SLC6A2: variants seen among roughly 807,000 people sequenced by gnomAD.
SLC6A2 encodes the protein solute carrier family 6 member 2.
SLC6A2 carries 26 observed loss-of-function variants against 71.7 expected under a neutral mutation model. The observed-to-expected ratio is 0.36, with a 90% CI of 0.27 to 0.50. SLC6A2 has a LOEUF of 0.50. Among genes scored for constraint, SLC6A2 ranks in the 20% least tolerant of loss-of-function variants. The pLI is 0.96. For synonymous variants in SLC6A2, 363 were observed against 337.9 expected (o/e 1.07, Z -0.82); for missense variants, 581 against 803.9 (o/e 0.72, Z 3.35).
chr16:55,683,006 C>G (rs1329275848), intron 4 of SLC6A2, among the ~76,000 whole-genome samples: 1 of 152,228 alleles, frequency 6.6e-6, no homozygotes, highest in African/African-American at 2.4e-5. Context: ...TGGGCTGGCT[C>G]ACAGCCGGCC....
Position 55,685,269 on chromosome 16 carries a change from G to A in SLC6A2, c.771G>A (p.Lys257=). 6.2e-7 allele frequency: 1 copy of A among 1,614,170 alleles called. No individual in the cohort carries two copies. Among genetic ancestry groups the A allele is most frequent in the African/African-American group, 1.3e-5 (1 of 75,054 alleles). The part of the protein sequence containing the change: ...VLYFSLWKGV[K]TSGKVVWITA... ...ATTTTAGCCTCTGGAAAGGGGTGAA[G>A]ACATCAGGAAAGGTAATATCTCTGT... The change falls in exon 5 of 15, where the codon AAG becomes AAA. Residue 257 remains lysine, a synonymous_variant. Coordinates refer to ENST00000568943, the MANE Select transcript of SLC6A2 (RefSeq NM_001172501.3).
intron 2 of SLC6A2, among the ~76,000 whole-genome samples, chr16:55,669,206 G>T (rs966783730): frequency 2.6e-5 from 4 of 152,150 alleles, no homozygotes; most frequent in Non-Finnish European, 4.4e-5. Context: ...ATTCATAAAA[G>T]AAAAAGTTCA....
At position 55,656,686 on chromosome 16, in the gene SLC6A2, G is replaced by T; in HGVS notation, c.-9G>T. The T allele has an allele frequency of 6.2e-7, 1 of 1,611,818 alleles. No homozygotes were observed. The highest frequency in any genetic ancestry group is 8.5e-7 in the Non-Finnish European group (1 of 1,179,916). On this transcript the variant is annotated 5_prime_UTR_variant, in exon 2 of 15. Transcript: ENST00000568943. This position sits in a 1 kb window ranked among gnomAD's most constrained non-coding sequence, Gnocchi z 4.5. ...AGGACCGGTAAAGTTCCTCTCGCCAGCCGCATCCATGCTTCTGGCGCGGAT... is the reference window on the plus strand; with the variant it reads ...AGGACCGGTAAAGTTCCTCTCGCCATCCGCATCCATGCTTCTGGCGCGGAT...
intron 3 of SLC6A2, among the ~76,000 whole-genome samples, chr16:55,670,166 C>T (rs1446730891): frequency 6.6e-6 from 1 of 152,206 alleles, no homozygotes; most frequent in Admixed American, 6.5e-5. Context: ...ACTAAGAACA[C>T]ATCTGCAGAA....
intron 4 of SLC6A2, among the ~76,000 whole-genome samples, chr16:55,679,232 C>T (rs896982765): frequency 6.9e-6 from 1 of 144,754 alleles, no homozygotes; most frequent in Non-Finnish European, 1.5e-5. Flanking sequence ...TTTTCTTTTT[C>T]TTTTTTTTTT....
At chr16:55,667,382 A>G (rs1001421051) in intron 2 of SLC6A2, among the ~76,000 whole-genome samples, 4 of 152,224 alleles carry the variant, frequency 2.6e-5, no homozygotes, top group African/African-American at 9.7e-5. Context: ...CATCTGTAAA[A>G]GGGATTGTGG....
rs533364164 is a variant in SLC6A2 at position 55,702,076 on chromosome 16, G to A, written c.1830+142G>A. 2.8e-4 allele frequency: 220 copies of A among 793,524 alleles called. 1 individual carries two copies. In the African/African-American group the frequency reaches 2.8e-3, roughly 10 times the overall value. 49.2% of individuals were successfully genotyped at this position (793,524 alleles called of 1,614,324 possible). ...GCTGCCTTTTCCCCTTGGAAACATC[G>A]GGATGGGGGACAGGGAGGCTCACCT... On this transcript the variant is annotated intron_variant, in intron 14 of 14. Coordinates refer to ENST00000568943, the MANE Select transcript of SLC6A2 (RefSeq NM_001172501.3).
rs1161011375 is a variant in SLC6A2 at position 55,696,093 on chromosome 16, T to C, written c.1148-132T>C. On this transcript the variant is annotated intron_variant, in intron 8 of 14. Transcript: ENST00000568943. ...GAGCTGTAAGTTCATGCTGATTTCATCTGTTATCTCTAAACCTGTGTTCTG... is the reference window on the plus strand; with the variant it reads ...GAGCTGTAAGTTCATGCTGATTTCACCTGTTATCTCTAAACCTGTGTTCTG... The C allele has an allele frequency of 6.9e-6, 5 of 722,834 alleles. No individual in the cohort carries two copies. In the African/African-American group the frequency reaches 8.6e-5, roughly 12 times the overall value. 44.8% of individuals were successfully genotyped at this position (722,834 alleles called of 1,614,324 possible). A position where few individuals can be genotyped will look rare whatever the true frequency, so the allele number is the denominator to read the frequency against.
chr16:55,700,842 CAT>C (rs574876904), intron 13 of SLC6A2, among the ~76,000 whole-genome samples: 120 of 152,112 alleles, frequency 7.9e-4, no homozygotes, highest in African/African-American at 1.8e-3. Flanking sequence ...TATATATGTA[CAT>C]GTGTGTGTAT....
chr16:55,656,440 G>A lies in SLC6A2; in HGVS notation c.-51-204G>A, dbSNP rs1964449694. ...GGTCTTCAGCCGCCCCCAGAGGGCT[G>A]TCAGAAGTCTCCAACTCTTGAGTTC... On this transcript the variant is annotated intron_variant, in intron 1 of 14. Coordinates refer to ENST00000568943, the MANE Select transcript of SLC6A2 (RefSeq NM_001172501.3). The surrounding 1 kb of genome is among the most constrained non-coding windows in gnomAD (Gnocchi z 4.5). 1.7e-6 allele frequency: 1 copy of A among 576,220 alleles called. No individual in the cohort carries two copies. 35.7% of individuals were successfully genotyped at this position (576,220 alleles called of 1,614,324 possible).
intron 4 of SLC6A2, among the ~76,000 whole-genome samples, chr16:55,683,222 ATT>A (rs1460900949): frequency 6.6e-6 from 1 of 152,170 alleles, no homozygotes; most frequent in Admixed American, 6.5e-5. Context: ...GCAAACGGTC[ATT>A]TTGTTTTCAA....
intron 5 of SLC6A2, 51 bp from the exon 6 acceptor site, chr16:55,691,867 A>C: frequency 6.2e-7 from 1 of 1,609,830 alleles, no homozygotes; most frequent in South Asian, 1.1e-5. Context: ...CCAGCCCGCC[A>C]CGGGATTGGG....
chr16:55,696,728 T>A (rs1965811357), intron 9 of SLC6A2, among the ~76,000 whole-genome samples: 2 of 152,122 alleles, frequency 1.3e-5, no homozygotes, highest in Non-Finnish European at 2.9e-5. Context: ...ACTCCTATAA[T>A]CCCAGGGCTG....
intron 2 of SLC6A2, among the ~76,000 whole-genome samples, chr16:55,668,997 A>G (rs1964829033): frequency 6.6e-6 from 1 of 152,274 alleles, no homozygotes; most frequent in Middle Eastern, 3.4e-3. Context: ...TTATGTTTGC[A>G]GGCTGTTGTG....
chr16:55,696,407 G>C, intron 9 of SLC6A2, 70 bp downstream of exon 9: 1 of 928,230 alleles, frequency 1.1e-6, no homozygotes, highest in Non-Finnish European at 1.8e-6. Context: ...AACACACAGT[G>C]CTGGGCCTGA....
At chr16:55,659,205 C>T (rs1043259014) in intron 2 of SLC6A2, among the ~76,000 whole-genome samples, 15 of 152,100 alleles carry the variant, frequency 9.9e-5, no homozygotes, top group Non-Finnish European at 4.4e-5. Flanking sequence ...TTTAATCACC[C>T]GAGTCTTTAT....
Position 55,672,055 on chromosome 16 carries a change from A to C in SLC6A2, c.524A>C (p.Asp175Ala), listed in dbSNP as rs201164617. The change falls in exon 4 of 15, where the codon GAC (aspartate) becomes GCC (alanine). Residue 175 changes from aspartate (D) to alanine (A), a missense_variant. Asp to Ala is a moderately radical substitution (Grantham distance 126, BLOSUM62 -2). Coordinates refer to ENST00000568943, the MANE Select transcript of SLC6A2 (RefSeq NM_001172501.3). The stretch of plus-strand genomic sequence containing the variant: ...TTCACCCTCAACCTGCCCTGGACCG[A>C]CTGTGGCCACACCTGGAACAGCCCC... ...SSFTLNLPWT[D>A]CGHTWNSPNC... 3.7e-6 allele frequency: 6 copies of C among 1,614,108 alleles called. No individual in the cohort carries two copies. The East Asian group carries it at 1.3e-4, about 36-fold the overall frequency.
rs1009820591 is a variant in SLC6A2 at position 55,695,539 on chromosome 16, T to C, written c.1147+137T>C. ...GGAGGTGTCCAAACCACCCATGTGA[T>C]TGACTTTCCTTTGAGGTTATTAGTG... is the stretch of plus-strand genomic sequence containing the variant. On this transcript the variant is annotated intron_variant, in intron 8 of 14. Transcript: ENST00000568943. The C allele has an allele frequency of 6.6e-5, 63 of 949,872 alleles. No homozygotes were observed. The Admixed American group carries it at 1.2e-3, about 19-fold the overall frequency. The allele number at this position is 949,872 out of a possible 1,614,324, so 58.8% of individuals were successfully genotyped here. A position where few individuals can be genotyped will look rare whatever the true frequency, so the allele number is the denominator to read the frequency against.
Position 55,701,850 on chromosome 16 carries a change from C to G in SLC6A2, c.1759-13C>G. The G allele has an allele frequency of 6.2e-7, 1 of 1,612,378 alleles. No individual in the cohort carries two copies. ...GGCCAAGCTGAGGCCTCCTCCCCTT[C>G]TCTTCCTTTCAGAGACTGGCCTATG... On this transcript the variant is annotated splice_polypyrimidine_tract_variant and intron_variant, in intron 13 of 14. Coordinates refer to ENST00000568943, the MANE Select transcript of SLC6A2 (RefSeq NM_001172501.3).
Sources: allele counts gnomAD v4.1 joint callset (sites outside exome capture counted in the v4.1 genomes callset), GRCh38; gene constraint gnomAD v4.1.1; non-coding constraint Gnocchi (gnomAD v3.1); transcripts MANE v1.5; gene names NCBI Gene and HGNC (gene_info 2026-07-23, HGNC 2026-07-21).